Variants in TRPC5 observed in about 807,000 individuals in gnomAD.
TRPC5 encodes transient receptor potential cation channel subfamily C member 5.
A neutral mutation model predicts 56.5 loss-of-function variants in TRPC5; 9 were observed. The ratio of observed to expected loss-of-function variants is 0.16; its 90% CI spans 0.10 to 0.28. The LOEUF is 0.28. Among genes scored for constraint, TRPC5 ranks in the 10% least tolerant of loss-of-function variants. The probability of loss-of-function intolerance (pLI) is 1.00; values close to 1 mark genes in which losing one functional copy is unlikely to be tolerated. For synonymous variants in TRPC5, 282 were observed against 278.5 expected (o/e 1.01, Z -0.13); for missense variants, 469 against 748.9 (o/e 0.63, Z 4.36).
chrX:111,996,498 G>T (rs775433543), intron 1 of TRPC5, among the ~76,000 whole-genome samples: 1 of 111,843 alleles, frequency 8.9e-6, no homozygotes, highest in South Asian at 3.7e-4. Flanking sequence ...TTTCTGTTAG[G>T]TCTGCTTGTT....
intron 1 of TRPC5, among the ~76,000 whole-genome samples, chrX:112,062,474 G>A (rs1930480951): frequency 1.8e-5 from 2 of 111,849 alleles, no homozygotes; most frequent in South Asian, 7.4e-4. Flanking sequence ...GGGAAAGCTA[G>A]CAAGGCTTTA....
chrX:111,855,745 C>T (rs1490368657), intron 3 of TRPC5, among the ~76,000 whole-genome samples: 1 of 111,848 alleles, frequency 8.9e-6, no homozygotes, highest in Non-Finnish European at 1.9e-5. Flanking sequence ...TTTTTTGCCA[C>T]AGTAGCCTAT....
rs1945839501 is a variant in TRPC5 at position 111,770,888 on chromosome X, G to C, written c.*5425C>G. Among the ~76,000 whole-genome samples, 1 of 112,026 alleles carries C rather than the reference G, an allele frequency of 8.9e-6. No individual in the cohort carries two copies. The highest frequency in any genetic ancestry group is 3.2e-5 in the African/African-American group (1 of 30,856). ...TGGCTACCTTAGGCTTAAATAAAAG[G>C]CACACTGCCACATATTCATTCAAGT... On this transcript the variant is annotated 3_prime_UTR_variant, in exon 11 of 11. Coordinates refer to ENST00000262839, the MANE Select transcript of TRPC5 (RefSeq NM_012471.3).
At chrX:111,969,034 AAAAT>A (rs1170430799) in intron 1 of TRPC5, among the ~76,000 whole-genome samples, 11 of 108,805 alleles carry the variant, frequency 1.0e-4, no homozygotes, top group Admixed American at 9.9e-4. Context: ...AACAACAAAA[AAAAT>A]AAATAAATAA....
chrX:111,992,770 T>G (rs769807360), intron 1 of TRPC5, among the ~76,000 whole-genome samples: 31 of 109,098 alleles, frequency 2.8e-4, no homozygotes, highest in African/African-American at 9.7e-4. Flanking sequence ...ACTAAGCTGA[T>G]TTTTGTATTT....
At chrX:111,920,827 G>A (rs1470256043) in intron 2 of TRPC5, among the ~76,000 whole-genome samples, 2 of 111,600 alleles carry the variant, frequency 1.8e-5, no homozygotes, top group Non-Finnish European at 3.8e-5. Flanking sequence ...TCCACTTTCA[G>A]ATAGAGTGGA....
At chrX:111,899,465 TAGAG>T (rs1207557895) in intron 3 of TRPC5, among the ~76,000 whole-genome samples, 2 of 110,949 alleles carry the variant, frequency 1.8e-5, no homozygotes, top group Non-Finnish European at 3.8e-5. Context: ...TAGATGGAGA[TAGAG>T]AGGGTGTGAA....
intron 3 of TRPC5, among the ~76,000 whole-genome samples, chrX:111,888,523 A>C (rs1186468528): frequency 1.9e-5 from 2 of 104,281 alleles, no homozygotes; most frequent in African/African-American, 7.0e-5. Flanking sequence ...AAAAAAAAAA[A>C]AGAAAGAAAA....
At chrX:111,868,780 T>G (rs1923626838) in intron 3 of TRPC5, among the ~76,000 whole-genome samples, 1 of 111,873 alleles carries the variant, frequency 8.9e-6, no homozygotes. Context: ...AGATCTGAGG[T>G]AAGGGCCTTT....
chrX:111,922,768 T>G (rs1926157438), intron 2 of TRPC5, among the ~76,000 whole-genome samples: 1 of 111,620 alleles, frequency 9.0e-6, no homozygotes, highest in Non-Finnish European at 1.9e-5. Context: ...TGGACAACAT[T>G]TACTTGGGGA....
At chrX:112,039,559 G>A (rs1929841974) in intron 1 of TRPC5, among the ~76,000 whole-genome samples, 1 of 112,171 alleles carries the variant, frequency 8.9e-6, no homozygotes, top group African/African-American at 3.2e-5. Flanking sequence ...CTGGGAGCTT[G>A]GGTGAAGAAC....
chrX:111,907,556 C>T (rs950803503), intron 3 of TRPC5, among the ~76,000 whole-genome samples: 2 of 109,719 alleles, frequency 1.8e-5, no homozygotes, highest in South Asian at 3.9e-4. Context: ...ACCTGGGAGA[C>T]GGAGGTTGCA....
chrX:111,843,873 A>AGTGTGTGTGTGT (rs547330564), intron 6 of TRPC5, among the ~76,000 whole-genome samples: 6 of 72,593 alleles, frequency 8.3e-5, no homozygotes, highest in African/African-American at 3.3e-4. Flanking sequence ...CAGTGGGATG[A>AGTGTGTGTGTGT]GTGTGTGTGT....
chrX:111,912,691 G>A lies in TRPC5; in HGVS notation c.500C>T (p.Thr167Ile), dbSNP rs1359261050. The change falls in exon 3 of 11, where the codon ACT becomes ATT. Residue 167 changes from threonine (T) to isoleucine (I), a missense_variant. Physicochemically the swap from Thr to Ile is moderately conservative, Grantham distance 89. Coordinates refer to ENST00000262839, the MANE Select transcript of TRPC5 (RefSeq NM_012471.3). ...GCGGATCTGGTGGGGCCGTGGGATAGTGACCCGTTTTTGGACAAGCAATTT... is the reference window on the plus strand; with the variant it reads ...GCGGATCTGGTGGGGCCGTGGGATAATGACCCGTTTTTGGACAAGCAATTT... ...IIKLLVQKRV[T>I]IPRPHQIRCN... 8.3e-7 allele frequency: 1 copy of A among 1,211,111 alleles called. No homozygotes were observed. The highest frequency in any genetic ancestry group is 1.1e-6 in the Non-Finnish European group (1 of 895,556).
chrX:112,076,658 G>A (rs1009189041), intron 1 of TRPC5, among the ~76,000 whole-genome samples: 2 of 111,611 alleles, frequency 1.8e-5, no homozygotes, highest in East Asian at 5.6e-4. Context: ...ATGTATGTGT[G>A]TGTTTTCATG....
intron 1 of TRPC5, among the ~76,000 whole-genome samples, chrX:112,009,625 G>A (rs1352564747): frequency 8.9e-6 from 1 of 111,888 alleles, no homozygotes; most frequent in African/African-American, 3.3e-5. Flanking sequence ...CATGAACTCT[G>A]ACGCATAAAG....
chrX:111,815,122 A>G (rs1251621800), intron 7 of TRPC5, among the ~76,000 whole-genome samples: 2 of 111,692 alleles, frequency 1.8e-5, no homozygotes, highest in Admixed American at 9.5e-5. Flanking sequence ...GAGGGAAGAA[A>G]CTCCTCAGAA....
chrX:112,043,571 A>G (rs1216388321), intron 1 of TRPC5, among the ~76,000 whole-genome samples: 3 of 110,224 alleles, frequency 2.7e-5, no homozygotes, highest in East Asian at 2.8e-4. Context: ...ATTCTGATAG[A>G]AAAAAAAGTT....
chrX:112,011,093 G>A (rs1928979737), intron 1 of TRPC5, among the ~76,000 whole-genome samples: 1 of 111,414 alleles, frequency 9.0e-6, no homozygotes, highest in Non-Finnish European at 1.9e-5. Context: ...GGCTGTGTAG[G>A]GGGAAAAAAG....
Sources: allele counts gnomAD v4.1 joint callset (sites outside exome capture counted in the v4.1 genomes callset), GRCh38; gene constraint gnomAD v4.1.1; transcripts MANE v1.5; gene names NCBI Gene and HGNC (gene_info 2026-07-23, HGNC 2026-07-21).